The following ADCY2 variants were observed in gnomAD, a reference collection of about 807,000 sequenced individuals.
ADCY2 encodes the protein adenylate cyclase 2.
In ADCY2, 31 loss-of-function variants were observed where a neutral mutation model predicts 125.2. That is an observed-to-expected ratio of 0.25 (90% confidence interval 0.19 to 0.33). The LOEUF is 0.33. ADCY2 is among the 10% of genes least tolerant of loss of function. The pLI is 1.00. For synonymous variants in ADCY2, 512 were observed against 548.4 expected, an observed-to-expected ratio of 0.93 and a Z score of 0.93; for missense variants, 904 against 1,418.2, an observed-to-expected ratio of 0.64 and a Z score of 5.82.
At position 7,430,656 on chromosome 5, in the gene ADCY2, G is replaced by A. The variant is rs1373461040; in HGVS notation, c.408+15886G>A. Among the ~76,000 whole-genome samples the A allele has an allele frequency of 5.3e-5, 8 of 151,356 alleles. No individual in the cohort carries two copies. In the East Asian group the frequency reaches 7.8e-4, roughly 15 times the overall value. ...GTTTAATATTTTAAAATCAATTTTCGTGATTCACCACCTTAAGGATAATTT... is the reference window on the plus strand; with the variant it reads ...GTTTAATATTTTAAAATCAATTTTCATGATTCACCACCTTAAGGATAATTT... On this transcript the variant is annotated intron_variant, in intron 2 of 24. Coordinates refer to ENST00000338316, the MANE Select transcript of ADCY2 (RefSeq NM_020546.3).
At chr5:7,507,927 T>TA (rs925601060) in intron 2 of ADCY2, among the ~76,000 whole-genome samples, 9 of 151,442 alleles carry the variant, frequency 5.9e-5, no homozygotes, top group African/African-American at 1.2e-4. Flanking sequence ...ATTGTAAAAT[T>TA]AAAAAAAAAC....
chr5:7,476,050 C>T (rs1742513637), intron 2 of ADCY2, among the ~76,000 whole-genome samples: 1 of 152,130 alleles, frequency 6.6e-6, no homozygotes, highest in African/African-American at 2.4e-5. Context: ...ACGGTGACAG[C>T]ATGAAAAGAA....
intron 16 of ADCY2, among the ~76,000 whole-genome samples, chr5:7,762,618 G>C (rs1439412964): frequency 6.6e-6 from 1 of 152,236 alleles, no homozygotes; most frequent in African/African-American, 2.4e-5. Flanking sequence ...CCTACATGCA[G>C]TTCAATGGTC....
At chr5:7,520,705 G>C (rs1744410367) in intron 2 of ADCY2, 33 bp from the exon 3 acceptor site, 1 of 1,609,752 alleles carries the variant, frequency 6.2e-7, no homozygotes, top group Non-Finnish European at 8.5e-7. Context: ...AGAATATTTG[G>C]TGACTCTTAT....
chr5:7,470,557 T>C (rs780413708), intron 2 of ADCY2, among the ~76,000 whole-genome samples: 1 of 148,188 alleles, frequency 6.7e-6, no homozygotes, highest in Non-Finnish European at 1.5e-5. Flanking sequence ...TATATGTATA[T>C]ATTATATATT....
intron 3 of ADCY2, among the ~76,000 whole-genome samples, chr5:7,533,556 A>AT (rs1491446265): frequency 7.9e-5 from 12 of 151,868 alleles, no homozygotes; most frequent in Non-Finnish European, 1.2e-4. Flanking sequence ...CTTAACACAC[A>AT]TTTTTTTCTC....
chr5:7,624,919 C>T (rs1738072408), intron 3 of ADCY2, among the ~76,000 whole-genome samples: 1 of 152,122 alleles, frequency 6.6e-6, no homozygotes, highest in Non-Finnish European at 1.5e-5. Context: ...TCTATCCACT[C>T]ACAGGTAGAC....
At chr5:7,440,270 C>T (rs911875710) in intron 2 of ADCY2, among the ~76,000 whole-genome samples, 2 of 152,140 alleles carry the variant, frequency 1.3e-5, no homozygotes, top group African/African-American at 2.4e-5. Context: ...ACTTAGAGAT[C>T]GCATTAAATT....
At position 7,739,626 on chromosome 5, in the gene ADCY2, C is replaced by G. The variant is rs1742355535; in HGVS notation, c.1872-4042C>G. On this transcript the variant is annotated intron_variant, in intron 14 of 24. Transcript: ENST00000338316. ...GAAAATTAATAAAGCCAAAATATGG[C>G]TCTTTGAAAAAGACTGAAAATTCCT... Among the ~76,000 whole-genome samples, 4 of 150,508 alleles carry G rather than the reference C, an allele frequency of 2.7e-5. No individual in the cohort carries two copies. The South Asian group carries it at 8.3e-4, about 31-fold the overall frequency.
At chr5:7,633,143 C>T (rs925486934) in intron 4 of ADCY2, among the ~76,000 whole-genome samples, 1 of 151,666 alleles carries the variant, frequency 6.6e-6, no homozygotes, top group Admixed American at 6.6e-5. Flanking sequence ...AAAAAATGGA[C>T]ATTTTGGCAG....
chr5:7,428,019 C>T (rs1227461520), intron 2 of ADCY2, among the ~76,000 whole-genome samples: 2 of 152,134 alleles, frequency 1.3e-5, no homozygotes, highest in Non-Finnish European at 2.9e-5. Flanking sequence ...AAAGGCAGGC[C>T]CCCTCTAAGA....
chr5:7,687,116 T>C (rs1041438051), intron 4 of ADCY2, among the ~76,000 whole-genome samples: 33 of 152,314 alleles, frequency 2.2e-4, no homozygotes, highest in African/African-American at 7.7e-4. Context: ...TCTTTAGCAG[T>C]TCCAACAAAA....
chr5:7,470,182 G>T (rs1742283816), intron 2 of ADCY2, among the ~76,000 whole-genome samples: 1 of 151,672 alleles, frequency 6.6e-6, no homozygotes, highest in African/African-American at 2.4e-5. Context: ...AGATCTTAGA[G>T]AACAATAAAT....
At chr5:7,591,890 C>T (rs1045896155) in intron 3 of ADCY2, among the ~76,000 whole-genome samples, 2 of 152,200 alleles carry the variant, frequency 1.3e-5, no homozygotes, top group Middle Eastern at 3.2e-3. Flanking sequence ...TACACATTTA[C>T]TGGCCATTTG....
intron 3 of ADCY2, among the ~76,000 whole-genome samples, chr5:7,551,301 C>T (rs528443685): frequency 6.6e-6 from 1 of 152,206 alleles, no homozygotes; most frequent in African/African-American, 2.4e-5. Flanking sequence ...GATTCAGAGC[C>T]TGCACTATTT....
intron 4 of ADCY2, among the ~76,000 whole-genome samples, chr5:7,684,788 T>G (rs931037050): frequency 1.4e-5 from 2 of 147,742 alleles, no homozygotes; most frequent in African/African-American, 5.0e-5. Flanking sequence ...TTTTTTTTTT[T>G]TGTCAAAACA....
intron 2 of ADCY2, among the ~76,000 whole-genome samples, chr5:7,440,777 A>G (rs375201089): frequency 9.2e-5 from 14 of 152,314 alleles, no homozygotes; most frequent in African/African-American, 3.1e-4. Flanking sequence ...TACAAAAGAA[A>G]TCAATAAATG....
At chr5:7,599,755 G>A (rs1737135384) in intron 3 of ADCY2, among the ~76,000 whole-genome samples, 1 of 152,096 alleles carries the variant, frequency 6.6e-6, no homozygotes, top group Non-Finnish European at 1.5e-5. Flanking sequence ...AGAGTCGCAA[G>A]GAATCATCAG....
intron 12 of ADCY2, among the ~76,000 whole-genome samples, chr5:7,720,545 T>C (rs1224472774): frequency 3.5e-4 from 52 of 149,136 alleles, no homozygotes; most frequent in African/African-American, 7.9e-4. Flanking sequence ...TATCCTCCCC[T>C]CTCCCCCCAC....
Sources: allele counts gnomAD v4.1 joint callset (sites outside exome capture counted in the v4.1 genomes callset), GRCh38; gene constraint gnomAD v4.1.1; transcripts MANE v1.5; gene names NCBI Gene and HGNC (gene_info 2026-07-23, HGNC 2026-07-21).